The following CYP7B1 variants were observed in gnomAD, a reference collection of about 807,000 sequenced individuals.
The protein encoded by CYP7B1 is cytochrome P450 family 7 subfamily B member 1, also known as cytochrome P450 7B1.
CYP7B1 carries 29 observed loss-of-function variants against 42.7 expected under a neutral mutation model. That is an observed-to-expected ratio of 0.68 (90% CI 0.51 to 0.93). The LOEUF (loss-of-function observed/expected upper bound fraction) is 0.93. CYP7B1 is among the 40% of genes least tolerant of loss of function. The probability of loss-of-function intolerance (pLI) is 0.00; values close to 1 mark genes in which losing one functional copy is unlikely to be tolerated. For missense variants in CYP7B1, 655 were observed against 600.5 expected, an observed-to-expected ratio of 1.09 and a Z score of -0.95; for synonymous variants, 235 against 218.2, an observed-to-expected ratio of 1.08 and a Z score of -0.68.
intron 1 of CYP7B1, among the ~76,000 whole-genome samples, chr8:64,723,307 C>T (rs1365623655): frequency 6.6e-6 from 1 of 152,200 alleles, no homozygotes; most frequent in Non-Finnish European, 1.5e-5. Context: ...ACACTTCCCC[C>T]TCCAAACTCC....
At chr8:64,642,579 C>T (rs1805874308) in intron 1 of CYP7B1, among the ~76,000 whole-genome samples, 2 of 152,212 alleles carry the variant, frequency 1.3e-5, no homozygotes, top group African/African-American at 2.4e-5. Flanking sequence ...GAGAACAAAC[C>T]ATTGTTGAAC....
chr8:64,672,503 T>C (rs1225340053), intron 1 of CYP7B1, among the ~76,000 whole-genome samples: 1 of 152,130 alleles, frequency 6.6e-6, no homozygotes, highest in Admixed American at 6.6e-5. Flanking sequence ...TGTTTATTCA[T>C]GAGAAACAAA....
chr8:64,796,244 A>G (rs762421020), intron 1 of CYP7B1, among the ~76,000 whole-genome samples: 1 of 152,364 alleles, frequency 6.6e-6, no homozygotes, highest in Non-Finnish European at 1.5e-5. Context: ...CAATAGTAAA[A>G]ATAATTGCAG....
At chr8:64,756,616 A>G (rs1807812087) in intron 1 of CYP7B1, among the ~76,000 whole-genome samples, 1 of 152,230 alleles carries the variant, frequency 6.6e-6, no homozygotes, top group Non-Finnish European at 1.5e-5. Flanking sequence ...CTGAGAAAAC[A>G]GAAATGTTGA....
At chr8:64,686,146 TGAGGGGCGCC>T (rs1409614552) in intron 1 of CYP7B1, among the ~76,000 whole-genome samples, 15 of 73,552 alleles carry the variant, frequency 2.0e-4, no homozygotes, top group Admixed American at 2.6e-4. Flanking sequence ...GTCTGGGAGG[TGAGGGGCGCC>T]TCTGCCCAGC....
chr8:64,650,941 G>A (rs1321937744), intron 1 of CYP7B1, among the ~76,000 whole-genome samples: 1 of 152,154 alleles, frequency 6.6e-6, no homozygotes, highest in Non-Finnish European at 1.5e-5. Flanking sequence ...CAAATGACCT[G>A]TGAAACCTCT....
chr8:64,755,739 G>T (rs949116319), intron 1 of CYP7B1, among the ~76,000 whole-genome samples: 6 of 152,056 alleles, frequency 3.9e-5, no homozygotes, highest in African/African-American at 1.4e-4. Flanking sequence ...TACAACAAGA[G>T]GGGGACAAAA....
intron 1 of CYP7B1, among the ~76,000 whole-genome samples, chr8:64,700,730 A>G (rs1806903523): frequency 6.6e-6 from 1 of 152,146 alleles, no homozygotes. Context: ...AAGTATATGT[A>G]TATGTGATAG....
chr8:64,666,793 T>C (rs1475937503), intron 1 of CYP7B1, among the ~76,000 whole-genome samples: 1 of 152,232 alleles, frequency 6.6e-6, no homozygotes, highest in Non-Finnish European at 1.5e-5. Flanking sequence ...TTACCTTCCT[T>C]ACCAAATTAC....
At chr8:64,732,876 GA>G (rs1378562935) in intron 1 of CYP7B1, 2 of 152,800 alleles carry the variant, frequency 1.3e-5, no homozygotes, top group Non-Finnish European at 2.9e-5. Flanking sequence ...GCCCTGTGAT[GA>G]AGGATGTGTT....
intron 1 of CYP7B1, 54 bp downstream of exon 1, chr8:64,798,412 G>C (rs919245864): frequency 1.4e-5 from 20 of 1,444,618 alleles, no homozygotes; most frequent in Non-Finnish European, 1.8e-5. Context: ...TCTGGGTCGC[G>C]CGCGGCCCGC....
At chr8:64,588,647 A>G (rs1699585670), downstream of CYP7B1, among the ~76,000 whole-genome samples, 2 of 152,210 alleles carry the variant, frequency 1.3e-5, no homozygotes, top group South Asian at 4.1e-4. Context: ...GAGATAAACA[A>G]TCTCTGATTA....
chr8:64,736,324 T>C (rs1170664368), intron 1 of CYP7B1, among the ~76,000 whole-genome samples: 1 of 152,174 alleles, frequency 6.6e-6, no homozygotes, highest in Non-Finnish European at 1.5e-5. Context: ...CCATCTCTTA[T>C]GGAATGTTCA....
intron 1 of CYP7B1, among the ~76,000 whole-genome samples, chr8:64,700,774 T>C (rs1315251579): frequency 1.3e-5 from 2 of 152,114 alleles, no homozygotes. Context: ...CTGACAAACA[T>C]AAGCTAATAC....
intron 1 of CYP7B1, among the ~76,000 whole-genome samples, chr8:64,686,895 C>G: frequency 9.9e-6 from 1 of 100,668 alleles, no homozygotes; most frequent in South Asian, 3.4e-4. Context: ...AAGGGCGGTG[C>G]AAGATGTGCT....
chr8:64,792,481 C>A (rs1253842456), intron 1 of CYP7B1, among the ~76,000 whole-genome samples: 1 of 152,058 alleles, frequency 6.6e-6, no homozygotes, highest in Non-Finnish European at 1.5e-5. Flanking sequence ...AATCAGAAAC[C>A]CAGTTCAACC....
intron 1 of CYP7B1, among the ~76,000 whole-genome samples, chr8:64,738,670 T>C (rs1563410570): frequency 6.6e-6 from 1 of 152,146 alleles, no homozygotes; most frequent in Non-Finnish European, 1.5e-5. Context: ...CTTACGTCTG[T>C]ACAAAAAGAA....
At chr8:64,618,207 T>C (rs538874953) in intron 2 of CYP7B1, among the ~76,000 whole-genome samples, 1 of 151,940 alleles carries the variant, frequency 6.6e-6, no homozygotes, top group Non-Finnish European at 1.5e-5. Flanking sequence ...AAAAAATCAA[T>C]TTTCTTATTT....
At position 64,596,710 on chromosome 8, in the gene CYP7B1, T is replaced by TGTA; in HGVS notation, c.1450_1452dup (p.Tyr484dup). The TGTA allele has an allele frequency of 6.2e-7, 1 of 1,613,728 alleles. No individual in the cohort carries two copies. Among genetic ancestry groups the TGTA allele is most frequent in the Non-Finnish European group, 8.5e-7 (1 of 1,179,852 alleles). The stretch of plus-strand genomic sequence containing the variant: ...TACTGAATACCAAACAACAAGCGGC[T>TGTA]GTAGTTTAGTCCTATGGGCTTATCA... On this transcript the variant is annotated inframe_insertion, in exon 6 of 6. Coordinates refer to ENST00000310193, the MANE Select transcript of CYP7B1 (RefSeq NM_004820.5).
Sources: allele counts gnomAD v4.1 joint callset (sites outside exome capture counted in the v4.1 genomes callset), GRCh38; gene constraint gnomAD v4.1.1; transcripts MANE v1.5; gene names NCBI Gene and HGNC (gene_info 2026-07-23, HGNC 2026-07-21).